TET2: variants seen among roughly 807,000 people sequenced by gnomAD.
The protein encoded by TET2 is tet methylcytosine dioxygenase 2, also known as methylcytosine dioxygenase TET2.
Under a neutral mutation model 142.9 loss-of-function variants are expected in TET2, and 299 were observed. The ratio of observed to expected loss-of-function variants is 2.09; its 90% CI spans 1.90 to 2.30. The LOEUF is 2.30. Ranked by LOEUF, TET2 falls within the 30% of genes most tolerant of loss-of-function variation. The pLI, the probability that TET2 is intolerant of heterozygous loss-of-function variation, is 0.00. For synonymous variants in TET2, 819 were observed against 849.0 expected (o/e 0.96, Z 0.61); for missense variants, 2,418 against 2,378.0 (o/e 1.02, Z -0.35).
chr4:105,239,079 T>TTTGTTTTTTTG lies in TET2; in HGVS notation c.3409+1730_3409+1731insGTTTTTTTGTT, dbSNP rs1392948292. The TTTGTTTTTTTG allele has an allele frequency of 2.3e-4, 53 of 233,170 alleles. 2 individuals carry two copies. The highest frequency in any genetic ancestry group is 1.3e-3 in the South Asian group (7 of 5,352). The allele number at this position is 233,170 out of a possible 1,614,324, so 14.4% of individuals were successfully genotyped here. On this transcript the variant is annotated intron_variant, in intron 3 of 10. Coordinates refer to ENST00000380013, the MANE Select transcript of TET2 (RefSeq NM_001127208.3). ...AGGTTTTGGTTTTGTTTTTTGTTTT[T>TTTGTTTTTTTG]TTTTTTTGTTTTTTAGCAGTAAGTC...
At chr4:105,167,130 G>T (rs1724191774) in intron 1 of TET2, among the ~76,000 whole-genome samples, 1 of 151,518 alleles carries the variant, frequency 6.6e-6, no homozygotes, top group African/African-American at 2.4e-5. Flanking sequence ...TTTTTCATCT[G>T]TTTATCTCTG....
chr4:105,263,901 G>A (rs1730561762), intron 8 of TET2, among the ~76,000 whole-genome samples: 1 of 152,008 alleles, frequency 6.6e-6, no homozygotes, highest in African/African-American at 2.4e-5. Context: ...GAGGAAAGCT[G>A]GAATGATGAG....
At chr4:105,237,643 C>T (rs2110239516) in intron 3 of TET2, 1 of 1,427,050 alleles carries the variant, frequency 7.0e-7, no homozygotes, top group Non-Finnish European at 9.2e-7. Context: ...GATCAATTCG[C>T]CTATTTAGCT....
At chr4:105,239,276 C>A (rs1442592953) in intron 3 of TET2, 1 of 240,800 alleles carries the variant, frequency 4.2e-6, no homozygotes, top group Non-Finnish European at 8.8e-6. Context: ...AAATCATCAA[C>A]TGCATTAGCC....
At chr4:105,214,259 CAG>C (rs1466517616) in intron 2 of TET2, among the ~76,000 whole-genome samples, 1 of 150,054 alleles carries the variant, frequency 6.7e-6, no homozygotes, top group Non-Finnish European at 1.5e-5. Flanking sequence ...CCTTAGAAAA[CAG>C]AATCTCTCCT....
chr4:105,234,393 G>C lies in TET2; in HGVS notation c.451G>C (p.Val151Leu). 1 of 1,614,070 alleles carries C rather than the reference G, an allele frequency of 6.2e-7. No homozygotes were observed. The highest frequency in any genetic ancestry group is 8.5e-7 in the Non-Finnish European group (1 of 1,180,010). The change falls in exon 3 of 11, where the codon GTG becomes CTG. Residue 151 changes from valine (V) to leucine (L), a missense_variant. By Grantham distance (32) the Val-to-Leu change is conservative (BLOSUM62 1). Transcript: ENST00000380013. The part of the protein sequence containing the change: ...VSDLSDKKES[V>L]SSVAQENAVK... ...CGATTTGAGTGATAAGAAAGAATCTGTGAGTTCTGTAGCCCAAGAAAATGC... is the reference window on the plus strand; with the variant it reads ...CGATTTGAGTGATAAGAAAGAATCTCTGAGTTCTGTAGCCCAAGAAAATGC...
intron 8 of TET2, 134 bp downstream of exon 8, chr4:105,261,982 A>C: frequency 1.6e-6 from 1 of 619,334 alleles, no homozygotes; most frequent in East Asian, 2.8e-5. Flanking sequence ...AAACCACTGC[A>C]GTGTTCAGTT....
At position 105,243,779 on chromosome 4, in the gene TET2, G is replaced by C. The variant is rs776418411; in HGVS notation, c.3803+1G>C. 3 of 1,551,324 alleles carry C rather than the reference G, an allele frequency of 1.9e-6. No individual in the cohort carries two copies. Among genetic ancestry groups the C allele is most frequent in the Middle Eastern group, 1.7e-4 (1 of 5,990 alleles). ...ATCGCCGGTGTGCCTTGAATGAAGA[G>C]TAAGTGAAGCCCAGGGCCTCTCCCC... On this transcript the variant is annotated splice_donor_variant, in intron 6 of 10. Coordinates refer to ENST00000380013, the MANE Select transcript of TET2 (RefSeq NM_001127208.3). LOFTEE classifies it high-confidence loss of function.
chr4:105,191,486 A>G (rs184253252), intron 2 of TET2, among the ~76,000 whole-genome samples: 162 of 152,354 alleles, frequency 1.1e-3, no homozygotes, highest in African/African-American at 3.8e-3. Flanking sequence ...ACTCTGGATT[A>G]GATAGAAAAA....
At chr4:105,273,727 A>G (rs1179999052) in intron 10 of TET2, among the ~76,000 whole-genome samples, 1 of 152,172 alleles carries the variant, frequency 6.6e-6, no homozygotes, top group Non-Finnish European at 1.5e-5. Context: ...AGAGGGGAGA[A>G]TGAAACATTT....
Position 105,275,953 on chromosome 4 carries a change from G to C in TET2, c.5443G>C (p.Gly1815Arg), listed in dbSNP as rs1215732741. The C allele has an allele frequency of 1.9e-6, 3 of 1,551,902 alleles. No individual in the cohort carries two copies. In the South Asian group the frequency reaches 3.6e-5, roughly 18 times the overall value. ...TGATAGAACTGCTTGTGTCCAAGGA[G>C]GCTTACACAAATTAAGTGATGCTAA... ...NHDRTACVQG[G>R]LHKLSDANGQ... Residue 1815 changes from glycine to arginine, a missense_variant, in exon 11 of 11, where the codon GGC becomes CGC. By Grantham distance (125) the Gly-to-Arg change is moderately radical. Coordinates refer to ENST00000380013, the MANE Select transcript of TET2 (RefSeq NM_001127208.3).
rs1449309523 is a variant in TET2 at position 105,269,701 on chromosome 4, C to T, written c.4136C>T (p.Ala1379Val). Residue 1379 changes from alanine to valine, a missense_variant, in exon 9 of 11, where the codon GCT (alanine) becomes GTT (valine). Ala to Val is a moderately conservative substitution (Grantham distance 64). Coordinates refer to ENST00000380013, the MANE Select transcript of TET2 (RefSeq NM_001127208.3). ...SGVTACLDFC[A>V]HAHRDLHNMQ... ...GTCACTGCATGTTTGGACTTCTGTG[C>T]TCATGCCCACAGAGACTTGCACAAC... 1 of 1,551,656 alleles carries T rather than the reference C, an allele frequency of 6.4e-7. No individual in the cohort carries two copies. The highest frequency in any genetic ancestry group is 8.7e-7 in the Non-Finnish European group (1 of 1,146,960).
Position 105,160,737 on chromosome 4 carries a change from G to A in TET2, c.-193+13758G>A, listed in dbSNP as rs1472277068. Among the ~76,000 whole-genome samples, 3 of 152,218 alleles carry A rather than the reference G, an allele frequency of 2.0e-5. No individual in the cohort carries two copies. In the South Asian group the frequency reaches 6.2e-4, roughly 32 times the overall value. On this transcript the variant is annotated intron_variant, in intron 1 of 10. Coordinates refer to ENST00000380013, the MANE Select transcript of TET2 (RefSeq NM_001127208.3). ...GATCTTTTCCCAAGAGCTAAACCAA[G>A]CACCAAATCTGTTTTTTGGGGGTTT...
chr4:105,276,082 GAC>G lies in TET2; in HGVS notation c.5574_5575del (p.Ile1859TrpfsTer15). The G allele has an allele frequency of 6.4e-7, 1 of 1,551,698 alleles. No homozygotes were observed. The highest frequency in any genetic ancestry group is 8.7e-7 in the Non-Finnish European group (1 of 1,146,990). ...SDSEQSFLDPDIGGVAVAPTH... is the reference protein window; with the variant it reads ...SDSEQSFLDPXIGGVAVAPTH... Reference sequence around the variant, plus strand: ...CAGCGAGCAGAGCTTTCTGGATCCTGACATTGGGGGAGTGGCCGTGGCTCCAA... The same window carrying G: ...CAGCGAGCAGAGCTTTCTGGATCCTGATTGGGGGAGTGGCCGTGGCTCCAA... On this transcript the variant is annotated frameshift_variant, in exon 11 of 11. Coordinates refer to ENST00000380013, the MANE Select transcript of TET2 (RefSeq NM_001127208.3). LOFTEE classifies it high-confidence loss of function.
chr4:105,209,049 G>GCATATA (rs1553949668), intron 2 of TET2, among the ~76,000 whole-genome samples: 2 of 44,316 alleles, frequency 4.5e-5, no homozygotes, highest in Non-Finnish European at 1.6e-4. Context: ...TCAAGGCATG[G>GCATATA]TATATATATA....
chr4:105,237,476 A>C, intron 3 of TET2, 125 bp downstream of exon 3: 1 of 1,610,066 alleles, frequency 6.2e-7, no homozygotes, highest in South Asian at 1.1e-5. Context: ...AAGGCTCATA[A>C]AAATCTGAAG....
intron 1 of TET2, among the ~76,000 whole-genome samples, chr4:105,177,359 A>G (rs1173788286): frequency 1.3e-5 from 2 of 152,230 alleles, no homozygotes; most frequent in African/African-American, 2.4e-5. Context: ...AGATGGAAAA[A>G]TTATTTGCAA....
At chr4:105,191,075 C>T (rs62331157) in intron 2 of TET2, among the ~76,000 whole-genome samples, 3,840 of 152,208 alleles carry the variant, frequency 0.025, 87 homozygotes, top group South Asian at 0.075. Flanking sequence ...TGGATAGAGA[C>T]AGAGTCTGGC....
At chr4:105,242,784 G>A (rs1287975897) in intron 4 of TET2, 50 bp from the exon 5 acceptor site, 1 of 1,530,756 alleles carries the variant, frequency 6.5e-7, no homozygotes, top group South Asian at 1.3e-5. Flanking sequence ...ATTGCCTCTT[G>A]AATTCATTTG....
Sources: allele counts gnomAD v4.1 joint callset (sites outside exome capture counted in the v4.1 genomes callset), GRCh38; gene constraint gnomAD v4.1.1; transcripts MANE v1.5; gene names NCBI Gene and HGNC (gene_info 2026-07-23, HGNC 2026-07-21).